Variants in FSTL4 observed in about 807,000 individuals in gnomAD.
The protein encoded by FSTL4 is follistatin-related protein 4.
In FSTL4, 28 loss-of-function variants were observed where a neutral mutation model predicts 78.2. That is an observed-to-expected ratio of 0.36 (90% CI 0.27 to 0.49). The LOEUF (loss-of-function observed/expected upper bound fraction) is 0.49. FSTL4 is among the 20% of genes least tolerant of loss of function. The probability of loss-of-function intolerance (pLI) is 0.98; values close to 1 mark genes in which losing one functional copy is unlikely to be tolerated. For synonymous variants in FSTL4, 422 were observed against 440.5 expected, an observed-to-expected ratio of 0.96 and a Z score of 0.53; for missense variants, 922 against 1,084.9, an observed-to-expected ratio of 0.85 and a Z score of 2.11.
At chr5:133,714,284 C>A in the FSTL4 span, among the ~76,000 whole-genome samples, 1 of 152,184 alleles carries the variant, frequency 6.6e-6, no homozygotes, top group East Asian at 1.9e-4. Context: ...CTTATCAAGC[C>A]CTTTCTACAA....
At chr5:133,684,994 C>A in the FSTL4 span, among the ~76,000 whole-genome samples, 36 of 152,364 alleles carry the variant, frequency 2.4e-4, no homozygotes, top group South Asian at 7.2e-3. Context: ...ACCCAGAGGA[C>A]CTGCTCCAAA....
chr5:133,455,967 C>T (rs1445781522), intron 3 of FSTL4, among the ~76,000 whole-genome samples: 2 of 152,202 alleles, frequency 1.3e-5, no homozygotes, highest in South Asian at 2.1e-4. Flanking sequence ...GTCTGACAGT[C>T]GCCGAATACT....
intron 6 of FSTL4, among the ~76,000 whole-genome samples, chr5:133,301,753 G>A (rs982740290): frequency 7.2e-5 from 11 of 152,318 alleles, no homozygotes; most frequent in South Asian, 2.1e-4. Context: ...CAGGCGGCTC[G>A]CACAGAGGCC....
the FSTL4 span, among the ~76,000 whole-genome samples, chr5:133,701,989 T>C: frequency 1.3e-5 from 2 of 152,146 alleles, no homozygotes; most frequent in Non-Finnish European, 2.9e-5. Context: ...ACCACTGTCA[T>C]GAATACCAAT....
the FSTL4 span, among the ~76,000 whole-genome samples, chr5:133,820,769 T>G: frequency 2.0e-5 from 3 of 152,220 alleles, no homozygotes; most frequent in South Asian, 2.1e-4. Flanking sequence ...ACCAACTGTT[T>G]GTGGCCAGCC....
At chr5:133,747,275 A>T in the FSTL4 span, among the ~76,000 whole-genome samples, 2 of 152,222 alleles carry the variant, frequency 1.3e-5, no homozygotes, top group Admixed American at 6.5e-5. Flanking sequence ...ATTCTTAATT[A>T]AAAAATTTAA....
chr5:133,419,450 T>C (rs11738410), intron 3 of FSTL4, among the ~76,000 whole-genome samples: 30,125 of 152,244 alleles, frequency 0.2, 3,066 homozygotes, highest in Non-Finnish European at 0.23. Flanking sequence ...AGTAGCATTC[T>C]ACTATATGGA....
At chr5:133,793,389 C>T in the FSTL4 span, among the ~76,000 whole-genome samples, 40 of 152,396 alleles carry the variant, frequency 2.6e-4, no homozygotes, top group African/African-American at 9.4e-4. Flanking sequence ...AATGAAGGTG[C>T]TCCCAGGCAC....
At chr5:133,284,954 G>A (rs1193167304) in intron 6 of FSTL4, among the ~76,000 whole-genome samples, 1 of 152,206 alleles carries the variant, frequency 6.6e-6, no homozygotes, top group African/African-American at 2.4e-5. Context: ...GAGACCTAAC[G>A]AGCAGGCAGA....
intron 15 of FSTL4, among the ~76,000 whole-genome samples, chr5:133,201,248 G>C (rs1445936792): frequency 6.6e-6 from 1 of 152,202 alleles, no homozygotes; most frequent in East Asian, 1.9e-4. Context: ...AGAAGATATT[G>C]GGGGCTCTCT....
chr5:133,779,560 TG>T, the FSTL4 span, among the ~76,000 whole-genome samples: 3 of 152,090 alleles, frequency 2.0e-5, no homozygotes, highest in African/African-American at 4.8e-5. Flanking sequence ...CATTTCAGCG[TG>T]GGCGACAGAG....
chr5:133,630,890 A>T, the FSTL4 span, among the ~76,000 whole-genome samples: 17 of 152,244 alleles, frequency 1.1e-4, no homozygotes, highest in African/African-American at 4.1e-4. Flanking sequence ...CAATGGGGAA[A>T]GAATTCCCTA....
At chr5:133,223,788 A>G (rs1252459011) in intron 11 of FSTL4, among the ~76,000 whole-genome samples, 1 of 152,198 alleles carries the variant, frequency 6.6e-6, no homozygotes, top group Non-Finnish European at 1.5e-5. Flanking sequence ...TCCTCAATCA[A>G]AGCATATTTA....
At chr5:133,474,666 C>A (rs538529141) in intron 3 of FSTL4, among the ~76,000 whole-genome samples, 1 of 152,310 alleles carries the variant, frequency 6.6e-6, no homozygotes, top group East Asian at 1.9e-4. Flanking sequence ...ATAAGGAAAG[C>A]ACATCTAATT....
At chr5:133,622,854 G>A in the FSTL4 span, among the ~76,000 whole-genome samples, 1 of 152,086 alleles carries the variant, frequency 6.6e-6, no homozygotes, top group African/African-American at 2.4e-5. Flanking sequence ...TCTCTAGCTT[G>A]TTTTTCCAAT....
chr5:133,653,513 C>T, the FSTL4 span, among the ~76,000 whole-genome samples: 3 of 152,176 alleles, frequency 2.0e-5, no homozygotes, highest in African/African-American at 7.2e-5. Context: ...TCTTCTTCCT[C>T]CCGCTGAGGA....
intron 5 of FSTL4, among the ~76,000 whole-genome samples, chr5:133,313,337 CT>C (rs996628735): frequency 6.6e-6 from 1 of 152,186 alleles, no homozygotes; most frequent in Admixed American, 6.5e-5. Flanking sequence ...AGCTTCCCCC[CT>C]GCCTGCCTTG....
At chr5:133,782,432 C>T in the FSTL4 span, among the ~76,000 whole-genome samples, 12 of 152,340 alleles carry the variant, frequency 7.9e-5, no homozygotes, top group African/African-American at 2.9e-4. Flanking sequence ...GTCACCTCCA[C>T]CTACTGTAAA....
rs151040936 is a variant in FSTL4, at chr5:133,240,344, T to C, written c.895-6807A>G. ...CTGCAAAGACCTGAGGAACCATCCT[T>C]TTTCTCAGAGTCCTCTCAAGAAAAA... On this transcript the variant is annotated intron_variant, in intron 7 of 15. Coordinates refer to ENST00000265342, the MANE Select transcript of FSTL4 (RefSeq NM_015082.2). Among the ~76,000 whole-genome samples the C allele has an allele frequency of 9.2e-5, 14 of 152,314 alleles. No homozygotes were observed. In the East Asian group the frequency reaches 2.7e-3, roughly 29 times the overall value.
Sources: gnomAD v4.1 joint callset for allele counts (sites outside exome capture counted in the v4.1 genomes callset) on GRCh38, gnomAD v4.1.1 for gene constraint, MANE v1.5 for transcripts, NCBI Gene and HGNC (gene_info 2026-07-23, HGNC 2026-07-21) for gene names.